The following ZFPM2 variants were observed in gnomAD, a reference collection of about 807,000 sequenced individuals.
ZFPM2 encodes the protein zinc finger protein, FOG family member 2, also known as zinc finger protein ZFPM2.
In ZFPM2, 20 loss-of-function variants were observed where a neutral mutation model predicts 98.6. That is an observed-to-expected ratio of 0.20 (90% CI 0.14 to 0.29). The LOEUF (loss-of-function observed/expected upper bound fraction) is 0.29. Among genes scored for constraint, ZFPM2 ranks in the 10% least tolerant of loss-of-function variants. The pLI, the probability that ZFPM2 is intolerant of heterozygous loss-of-function variation, is 1.00. For missense variants in ZFPM2, 1,310 were observed against 1,388.6 expected (o/e 0.94, Z 0.90); for synonymous variants, 518 against 502.7 (o/e 1.03, Z -0.41).
chr8:105,337,188 C>G (rs1013972422), intron 1 of ZFPM2, among the ~76,000 whole-genome samples: 4 of 151,886 alleles, frequency 2.6e-5, no homozygotes, highest in African/African-American at 4.8e-5. Flanking sequence ...CCTCTTCCCC[C>G]TCACTTCCAA....
chr8:105,690,308 A>G (rs1810846813), intron 5 of ZFPM2, among the ~76,000 whole-genome samples: 1 of 152,246 alleles, frequency 6.6e-6, no homozygotes, highest in East Asian at 1.9e-4. Flanking sequence ...CTATGTTAAA[A>G]TGATGTTCTT....
chr8:105,496,224 TG>T, intron 3 of ZFPM2, among the ~76,000 whole-genome samples: 2 of 152,266 alleles, frequency 1.3e-5, no homozygotes, highest in South Asian at 4.1e-4. Flanking sequence ...TTGTCCAGGC[TG>T]GGTCTTGAAT....
At chr8:105,612,787 T>C (rs1451108108) in intron 4 of ZFPM2, among the ~76,000 whole-genome samples, 2 of 152,204 alleles carry the variant, frequency 1.3e-5, no homozygotes, top group African/African-American at 4.8e-5. Context: ...TCTGTGTGCC[T>C]GTAACATTTC....
chr8:105,447,407 A>G (rs1812397488), intron 3 of ZFPM2, among the ~76,000 whole-genome samples: 1 of 152,018 alleles, frequency 6.6e-6, no homozygotes, highest in Admixed American at 6.6e-5. Context: ...AGAGAATTAA[A>G]TCAGATCATA....
intron 1 of ZFPM2, among the ~76,000 whole-genome samples, chr8:105,384,133 C>T (rs1321920251): frequency 2.6e-5 from 4 of 152,082 alleles, no homozygotes; most frequent in Non-Finnish European, 5.9e-5. Context: ...CACCTTGACT[C>T]CTCCATTCCC....
intron 4 of ZFPM2, among the ~76,000 whole-genome samples, chr8:105,567,621 C>T (rs933835733): frequency 1.3e-5 from 2 of 151,958 alleles, no homozygotes; most frequent in African/African-American, 4.8e-5. Flanking sequence ...TCTGGGGAAT[C>T]CATACTAAGA....
intron 5 of ZFPM2, among the ~76,000 whole-genome samples, chr8:105,721,159 C>T (rs939283405): frequency 4.6e-5 from 7 of 151,774 alleles, no homozygotes; most frequent in African/African-American, 1.7e-4. Context: ...TGCAGTCAGC[C>T]CTGCAGATCC....
intron 2 of ZFPM2, among the ~76,000 whole-genome samples, chr8:105,432,267 A>G (rs141957299): frequency 2.6e-5 from 4 of 152,276 alleles, no homozygotes; most frequent in South Asian, 2.1e-4. Flanking sequence ...AAGCAGGAGG[A>G]AAAAAACAGG....
At chr8:105,429,170 G>A (rs1811969592) in intron 2 of ZFPM2, among the ~76,000 whole-genome samples, 1 of 151,974 alleles carries the variant, frequency 6.6e-6, no homozygotes, top group African/African-American at 2.4e-5. Context: ...TTCTATTGTT[G>A]CTATATGATT....
chr8:105,429,753 C>CA (rs1019646014), intron 2 of ZFPM2, among the ~76,000 whole-genome samples: 1 of 150,072 alleles, frequency 6.7e-6, no homozygotes, highest in African/African-American at 2.5e-5. Context: ...AAGGAAAACC[C>CA]AACTCAGATG....
intron 3 of ZFPM2, among the ~76,000 whole-genome samples, chr8:105,553,598 G>C (rs193215150): frequency 1.3e-5 from 2 of 152,206 alleles, no homozygotes; most frequent in Non-Finnish European, 2.9e-5. Context: ...AGTGCTCTTT[G>C]TGTTGGACTA....
chr8:105,462,883 G>A (rs538456514), intron 3 of ZFPM2, among the ~76,000 whole-genome samples: 3 of 152,004 alleles, frequency 2.0e-5, no homozygotes, highest in African/African-American at 4.8e-5. Context: ...TCGATTCAAC[G>A]TCCTTGATGA....
At chr8:105,396,557 C>T (rs192801153) in intron 1 of ZFPM2, among the ~76,000 whole-genome samples, 1 of 152,188 alleles carries the variant, frequency 6.6e-6, no homozygotes, top group Admixed American at 6.5e-5. Context: ...AGAAAGGACC[C>T]CTTTTAGGTA....
At chr8:105,571,120 G>A (rs1354856452) in intron 4 of ZFPM2, among the ~76,000 whole-genome samples, 1 of 152,158 alleles carries the variant, frequency 6.6e-6, no homozygotes, top group African/African-American at 2.4e-5. Flanking sequence ...TCCCACAGAG[G>A]ATCGGTGTGA....
chr8:105,789,451 A>G (rs1287497882), intron 6 of ZFPM2, among the ~76,000 whole-genome samples: 1 of 152,200 alleles, frequency 6.6e-6, no homozygotes, highest in Non-Finnish European at 1.5e-5. Context: ...TCCATGGTGT[A>G]TATGTGCCAC....
chr8:105,561,625 G>C, intron 4 of ZFPM2, 144 bp downstream of exon 4: 2 of 669,020 alleles, frequency 3.0e-6, no homozygotes, highest in Admixed American at 2.9e-5. Context: ...AGCAAAACTT[G>C]GATACTTTTC....
At chr8:105,778,666 A>G (rs1169344841) in intron 5 of ZFPM2, among the ~76,000 whole-genome samples, 1 of 152,172 alleles carries the variant, frequency 6.6e-6, no homozygotes, top group Non-Finnish European at 1.5e-5. Flanking sequence ...TTTCCATGGT[A>G]TGTGGAGGAG....
At chr8:105,438,257 A>G (rs1586371873) in intron 2 of ZFPM2, among the ~76,000 whole-genome samples, 1 of 152,122 alleles carries the variant, frequency 6.6e-6, no homozygotes, top group East Asian at 1.9e-4. Context: ...CAAAGCACTC[A>G]TCACACCAGC....
At chr8:105,382,206 T>C (rs891262477) in intron 1 of ZFPM2, among the ~76,000 whole-genome samples, 1 of 152,102 alleles carries the variant, frequency 6.6e-6, no homozygotes, top group African/African-American at 2.4e-5. Context: ...ATTATTTCTA[T>C]CTGGTCAATA....
Sources: gnomAD v4.1 joint callset for allele counts (sites outside exome capture counted in the v4.1 genomes callset) on GRCh38, gnomAD v4.1.1 for gene constraint, MANE v1.5 for transcripts, NCBI Gene and HGNC (gene_info 2026-07-23, HGNC 2026-07-21) for gene names.